The following RBM46 variants were observed in gnomAD, a reference collection of about 807,000 sequenced individuals.
The protein encoded by RBM46 is RNA binding motif protein 46.
In RBM46, 12 loss-of-function variants were observed where a neutral mutation model predicts 43.3. The ratio of observed to expected loss-of-function variants is 0.28; its 90% CI spans 0.18 to 0.45. The LOEUF (loss-of-function observed/expected upper bound fraction) is 0.45, where lower values mean the gene tolerates loss of function less well. Among genes scored for constraint, RBM46 ranks in the 20% least tolerant of loss-of-function variants. The pLI is 1.00. For synonymous variants in RBM46, 205 were observed against 207.6 expected (o/e 0.99, Z 0.11); for missense variants, 412 against 639.1 (o/e 0.64, Z 3.83).
chr4:154,826,844 C>A, intron 4 of RBM46: 2 of 1,505,318 alleles, frequency 1.3e-6, no homozygotes, highest in Admixed American at 2.1e-5. Context: ...AGTCCCATGA[C>A]AACATTAAGT....
intron 4 of RBM46, among the ~76,000 whole-genome samples, chr4:154,813,596 A>G (rs935478000): frequency 6.6e-6 from 1 of 152,100 alleles, no homozygotes; most frequent in Non-Finnish European, 1.5e-5. Context: ...AGTTATATCT[A>G]GCATAATCTA....
chr4:154,802,177 G>A lies in RBM46; in HGVS notation c.1402+2613G>A, dbSNP rs1293033142. Among the ~76,000 whole-genome samples the A allele has an allele frequency of 2.6e-5, 4 of 152,174 alleles. No individual in the cohort carries two copies. The East Asian group carries it at 7.7e-4, about 29-fold the overall frequency. ...GGACAGTAACACAGAAATCCTTATG[G>A]TGCTTGACTACCTATGTAAGTGAAG... On this transcript the variant is annotated intron_variant, in intron 4 of 4. Transcript: ENST00000281722.
At chr4:154,819,675 A>T (rs1735634947) in intron 4 of RBM46, among the ~76,000 whole-genome samples, 1 of 152,112 alleles carries the variant, frequency 6.6e-6, no homozygotes, top group African/African-American at 2.4e-5. Flanking sequence ...GGTTATTTTT[A>T]TATCTAGTTT....
intron 4 of RBM46, among the ~76,000 whole-genome samples, chr4:154,806,208 A>G (rs156588): frequency 1.3e-5 from 2 of 151,832 alleles, no homozygotes; most frequent in Non-Finnish European, 3.0e-5. Flanking sequence ...CTCATCTTAC[A>G]AACACTTGTA....
chr4:154,822,935 G>A (rs959920759), intron 4 of RBM46, among the ~76,000 whole-genome samples: 11 of 151,766 alleles, frequency 7.2e-5, no homozygotes, highest in African/African-American at 2.7e-4. Context: ...ACTTACTAAA[G>A]AGAATTGAAA....
At chr4:154,805,422 ATTTGAC>A (rs1734862030) in intron 4 of RBM46, among the ~76,000 whole-genome samples, 1 of 151,960 alleles carries the variant, frequency 6.6e-6, no homozygotes, top group African/African-American at 2.4e-5. Context: ...TGCTTCTTAT[ATTTGAC>A]TTTGAAATGG....
chr4:154,789,867 A>G (rs1287362436), intron 1 of RBM46, among the ~76,000 whole-genome samples: 2 of 152,128 alleles, frequency 1.3e-5, no homozygotes, highest in African/African-American at 2.4e-5. Flanking sequence ...TTATTGGTCT[A>G]TTGAGGGATT....
intron 4 of RBM46, among the ~76,000 whole-genome samples, chr4:154,802,830 G>C (rs1734704875): frequency 6.6e-6 from 1 of 151,866 alleles, no homozygotes; most frequent in Non-Finnish European, 1.5e-5. Flanking sequence ...AACCCTTTCA[G>C]TGTGATGCTA....
intron 4 of RBM46, among the ~76,000 whole-genome samples, chr4:154,808,077 T>G (rs1734993495): frequency 1.3e-5 from 2 of 152,008 alleles, no homozygotes; most frequent in Non-Finnish European, 2.9e-5. Flanking sequence ...AACTTTGGAT[T>G]AAAAAGTATA....
intron 1 of RBM46, among the ~76,000 whole-genome samples, chr4:154,786,245 C>T (rs964483766): frequency 6.6e-6 from 1 of 152,020 alleles, no homozygotes; most frequent in African/African-American, 2.4e-5. Flanking sequence ...TGCCACCATG[C>T]CTGGCTAATT....
chr4:154,792,865 G>A (rs1426540321), intron 1 of RBM46, among the ~76,000 whole-genome samples: 1 of 152,118 alleles, frequency 6.6e-6, no homozygotes, highest in African/African-American at 2.4e-5. Context: ...GATCCTTATG[G>A]CTTTCTAAAG....
chr4:154,803,904 G>A (rs1400575313), intron 4 of RBM46, among the ~76,000 whole-genome samples: 1 of 151,950 alleles, frequency 6.6e-6, no homozygotes, highest in Non-Finnish European at 1.5e-5. Context: ...TTGGATCATG[G>A]CGGTGGATTT....
intron 1 of RBM46, among the ~76,000 whole-genome samples, chr4:154,783,822 AAAC>A (rs1315508803): frequency 1.3e-5 from 2 of 152,244 alleles, no homozygotes; most frequent in African/African-American, 2.4e-5. Context: ...TCTTTAATAA[AAAC>A]AACTTAAAAT....
chr4:154,816,051 A>G (rs1735426990), intron 4 of RBM46, among the ~76,000 whole-genome samples: 2 of 152,196 alleles, frequency 1.3e-5, no homozygotes, highest in Non-Finnish European at 2.9e-5. Context: ...ACTGCCTTCT[A>G]ATATACACAC....
Position 154,795,880 on chromosome 4 carries a change from G to T in RBM46, c.-11-862G>T, listed in dbSNP as rs781297749. 5.3e-5 allele frequency among the ~76,000 whole-genome samples: 8 copies of T among 152,084 alleles called. No individual in the cohort carries two copies. In the South Asian group the frequency reaches 8.3e-4, roughly 16 times the overall value. ...CTGATTTCAAGAAATATTTAGGGCC[G>T]GGTGCAGTGGCTCACATCTATAACC... On this transcript the variant is annotated intron_variant, in intron 1 of 4. Transcript: ENST00000281722.
intron 4 of RBM46, chr4:154,826,901 T>C (rs1735993150): frequency 1.4e-6 from 2 of 1,407,352 alleles, no homozygotes; most frequent in Non-Finnish European, 1.8e-6. Context: ...AGGACAGTAT[T>C]ATAGAAAAAA....
chr4:154,803,667 C>G (rs1734753339), intron 4 of RBM46, among the ~76,000 whole-genome samples: 1 of 120,130 alleles, frequency 8.3e-6, no homozygotes, highest in African/African-American at 3.3e-5. Flanking sequence ...CAAGCCACTG[C>G]ACTCAGGCCT....
chr4:154,799,832 T>A (rs1172337207), intron 4 of RBM46, among the ~76,000 whole-genome samples: 1 of 150,360 alleles, frequency 6.7e-6, no homozygotes, highest in African/African-American at 2.5e-5. Context: ...TGATCTTGGC[T>A]CATTGCAACC....
chr4:154,787,832 C>T (rs1259803064), intron 1 of RBM46, among the ~76,000 whole-genome samples: 1 of 152,168 alleles, frequency 6.6e-6, no homozygotes, highest in African/African-American at 2.4e-5. Flanking sequence ...TCTCCACATC[C>T]TCTCCAGCAC....
Sources: gnomAD v4.1 joint callset for allele counts (sites outside exome capture counted in the v4.1 genomes callset) on GRCh38, gnomAD v4.1.1 for gene constraint, MANE v1.5 for transcripts, NCBI Gene and HGNC (gene_info 2026-07-23, HGNC 2026-07-21) for gene names.